Variants in EXOC6B observed in about 807,000 individuals in gnomAD.
EXOC6B encodes exocyst complex component 6B.
A neutral mutation model predicts 113.5 loss-of-function variants in EXOC6B; 54 were observed. The ratio of observed to expected loss-of-function variants is 0.48; its 90% confidence interval spans 0.38 to 0.60. EXOC6B has a LOEUF of 0.60. Among genes scored for constraint, EXOC6B ranks in the 20% least tolerant of loss-of-function variants. The pLI is 0.00. For missense variants in EXOC6B, 797 were observed against 977.5 expected (o/e 0.82, Z 2.46); for synonymous variants, 357 against 339.0 (o/e 1.05, Z -0.58).
chr2:72,451,654 C>CTGTGTGTGTG (rs141514102), intron 18 of EXOC6B, among the ~76,000 whole-genome samples: 5,932 of 142,528 alleles, frequency 0.042, 292 homozygotes, highest in African/African-American at 0.12. Flanking sequence ...GTCTTTGTGC[C>CTGTGTGTGTG]TGTGTGTGTG....
At chr2:72,700,999 A>C (rs574137064) in intron 6 of EXOC6B, among the ~76,000 whole-genome samples, 2 of 152,184 alleles carry the variant, frequency 1.3e-5, no homozygotes, top group South Asian at 4.2e-4. Context: ...ACAATAAAAA[A>C]TCCATATACT....
chr2:72,570,690 A>G (rs1704462769), intron 7 of EXOC6B, among the ~76,000 whole-genome samples: 1 of 152,258 alleles, frequency 6.6e-6, no homozygotes, highest in South Asian at 2.1e-4. Flanking sequence ...TCAATGAAGT[A>G]TTCTAAGAAT....
intron 20 of EXOC6B, among the ~76,000 whole-genome samples, chr2:72,311,814 T>A (rs1425246628): frequency 2.0e-5 from 3 of 151,920 alleles, no homozygotes; most frequent in African/African-American, 7.3e-5. Flanking sequence ...AAATACAATA[T>A]TAAGGGATGG....
intron 18 of EXOC6B, among the ~76,000 whole-genome samples, chr2:72,456,438 C>A (rs1332788882): frequency 6.6e-6 from 1 of 152,144 alleles, no homozygotes; most frequent in Non-Finnish European, 1.5e-5. Context: ...TTACTATGCA[C>A]TATTTCATGC....
intron 18 of EXOC6B, among the ~76,000 whole-genome samples, chr2:72,457,254 C>T (rs901830638): frequency 2.0e-5 from 3 of 152,052 alleles, no homozygotes; most frequent in East Asian, 1.9e-4. Context: ...TTGGTTAGGT[C>T]GGAGATGGCA....
intron 7 of EXOC6B, among the ~76,000 whole-genome samples, chr2:72,567,342 T>C (rs142293458): frequency 1.3e-5 from 2 of 152,166 alleles, no homozygotes; most frequent in East Asian, 1.9e-4. Flanking sequence ...TTTAGTGACA[T>C]TTGCATAATT....
intron 8 of EXOC6B, among the ~76,000 whole-genome samples, chr2:72,531,039 T>G (rs1207412589): frequency 6.6e-6 from 1 of 152,174 alleles, no homozygotes; most frequent in Non-Finnish European, 1.5e-5. Flanking sequence ...TTTATTGATA[T>G]ATTTAGATAA....
intron 6 of EXOC6B, among the ~76,000 whole-genome samples, chr2:72,651,659 G>A (rs763988424): frequency 3.4e-4 from 51 of 151,992 alleles, no homozygotes; most frequent in Non-Finnish European, 5.4e-4. Flanking sequence ...TCCCTCTATC[G>A]CCCAGGCTGG....
At chr2:72,252,445 C>A (rs1275834808) in intron 20 of EXOC6B, among the ~76,000 whole-genome samples, 1 of 152,028 alleles carries the variant, frequency 6.6e-6, no homozygotes, top group Non-Finnish European at 1.5e-5. Context: ...TGCACTCCAG[C>A]CTGGGTGACA....
At chr2:72,478,967 C>T (rs1428072826) in intron 17 of EXOC6B, among the ~76,000 whole-genome samples, 1 of 152,098 alleles carries the variant, frequency 6.6e-6, no homozygotes, top group Non-Finnish European at 1.5e-5. Flanking sequence ...CATAATAATG[C>T]TAGTATTTGA....
At chr2:72,374,539 G>C (rs189728169) in intron 19 of EXOC6B, among the ~76,000 whole-genome samples, 67 of 152,230 alleles carry the variant, frequency 4.4e-4, no homozygotes, top group Non-Finnish European at 6.8e-4. Context: ...ATGGTTATCA[G>C]AGGCTGGGAA....
intron 6 of EXOC6B, among the ~76,000 whole-genome samples, chr2:72,634,823 A>C (rs13431249): frequency 0.035 from 5,292 of 152,266 alleles, 305 homozygotes; most frequent in African/African-American, 0.12. Flanking sequence ...TACAAGTATC[A>C]ACAGAACATA....
intron 6 of EXOC6B, among the ~76,000 whole-genome samples, chr2:72,601,299 C>T (rs1670425215): frequency 6.6e-6 from 1 of 152,102 alleles, no homozygotes; most frequent in African/African-American, 2.4e-5. Flanking sequence ...TCTCCTGCCT[C>T]AGCCTCCCAA....
At chr2:72,285,773 A>T (rs1042724846) in intron 20 of EXOC6B, among the ~76,000 whole-genome samples, 6 of 152,126 alleles carry the variant, frequency 3.9e-5, no homozygotes, top group African/African-American at 1.4e-4. Flanking sequence ...CATACAAAGA[A>T]TTTTTAAAGT....
chr2:72,496,181 G>A (rs748022505), intron 14 of EXOC6B, among the ~76,000 whole-genome samples: 1 of 151,988 alleles, frequency 6.6e-6, no homozygotes, highest in Non-Finnish European at 1.5e-5. Context: ...TAGAACATCC[G>A]CAGCAATCCT....
At chr2:72,274,876 C>A (rs1684717993) in intron 20 of EXOC6B, among the ~76,000 whole-genome samples, 1 of 152,034 alleles carries the variant, frequency 6.6e-6, no homozygotes, top group Admixed American at 6.6e-5. Context: ...AAAAGGGACC[C>A]AAATTTTTTT....
At chr2:72,355,384 A>C (rs1689917597) in intron 19 of EXOC6B, among the ~76,000 whole-genome samples, 1 of 152,234 alleles carries the variant, frequency 6.6e-6, no homozygotes, top group African/African-American at 2.4e-5. Flanking sequence ...GCTCTAACAA[A>C]GATTGGCGAC....
intron 5 of EXOC6B, among the ~76,000 whole-genome samples, chr2:72,724,727 A>G (rs1680205224): frequency 6.6e-6 from 1 of 152,218 alleles, no homozygotes; most frequent in African/African-American, 2.4e-5. Flanking sequence ...TAAAAGAAAT[A>G]AAACATAAAA....
At chr2:72,684,957 G>A (rs760300800) in intron 6 of EXOC6B, among the ~76,000 whole-genome samples, 23 of 152,004 alleles carry the variant, frequency 1.5e-4, no homozygotes, top group South Asian at 8.3e-4. Context: ...TCAGATTTGC[G>A]TAGATTTGAG....
Sources: gnomAD v4.1 joint callset for allele counts (sites outside exome capture counted in the v4.1 genomes callset) on GRCh38, gnomAD v4.1.1 for gene constraint, MANE v1.5 for transcripts, NCBI Gene and HGNC (gene_info 2026-07-23, HGNC 2026-07-21) for gene names.